HSPA12A: variants seen among roughly 807,000 people sequenced by gnomAD.
HSPA12A encodes the protein heat shock protein family A (Hsp70) member 12A.
HSPA12A carries 28 observed loss-of-function variants against 69.2 expected under a neutral mutation model. The observed-to-expected ratio is 0.40, with a 90% CI of 0.30 to 0.55. The LOEUF (loss-of-function observed/expected upper bound fraction) is 0.55. Among genes scored for constraint, HSPA12A ranks in the 20% least tolerant of loss-of-function variants. HSPA12A has a pLI of 0.38. For missense variants in HSPA12A, 686 were observed against 900.7 expected, an observed-to-expected ratio of 0.76 and a Z score of 3.05; for synonymous variants, 345 against 370.5, an observed-to-expected ratio of 0.93 and a Z score of 0.79.
chr10:116,705,290 C>G lies in HSPA12A; in HGVS notation c.127-12G>C. ...GAGTCAGTGTCGTTCTGCAGATATACAGTGAGGCATGGGGGGTGTGGAGGG... is the reference window on the plus strand; with the variant it reads ...GAGTCAGTGTCGTTCTGCAGATATAGAGTGAGGCATGGGGGGTGTGGAGGG... On this transcript the variant is annotated splice_polypyrimidine_tract_variant and intron_variant, in intron 2 of 11. Coordinates refer to ENST00000369209, the MANE Select transcript of HSPA12A (RefSeq NM_025015.3). The G allele has an allele frequency of 6.2e-7, 1 of 1,614,020 alleles. No individual in the cohort carries two copies. Among genetic ancestry groups the G allele is most frequent in the Non-Finnish European group, 8.5e-7 (1 of 1,179,966 alleles).
At chr10:116,800,302 T>G (rs1360329979) in intron 2 of HSPA12A, among the ~76,000 whole-genome samples, 1 of 152,158 alleles carries the variant, frequency 6.6e-6, no homozygotes, top group African/African-American at 2.4e-5. Context: ...TGAGAGCTGA[T>G]GACCCTCACC....
intron 2 of HSPA12A, among the ~76,000 whole-genome samples, chr10:116,706,591 A>G (rs1850259312): frequency 6.6e-6 from 1 of 151,996 alleles, no homozygotes; most frequent in Admixed American, 6.6e-5. Context: ...CCGGGCACTC[A>G]CTCAGGTTGG....
At chr10:116,799,836 G>C (rs1412329787) in intron 2 of HSPA12A, among the ~76,000 whole-genome samples, 1 of 152,204 alleles carries the variant, frequency 6.6e-6, no homozygotes, top group Non-Finnish European at 1.5e-5. Flanking sequence ...CATTCAGAAA[G>C]ATTTAGTGAG....
chr10:116,818,225 C>T (rs10787730), intron 2 of HSPA12A, among the ~76,000 whole-genome samples: 62,001 of 152,108 alleles, frequency 0.41, 13,501 homozygotes, highest in Middle Eastern at 0.52. Context: ...GGCATATGAG[C>T]TTGGTCACAA....
At chr10:116,730,751 G>A (rs529108029) in intron 1 of HSPA12A, among the ~76,000 whole-genome samples, 6 of 152,344 alleles carry the variant, frequency 3.9e-5, no homozygotes, top group Admixed American at 3.3e-4. Flanking sequence ...AGAGGCTGAC[G>A]CCAAAGGATG....
At chr10:116,682,669 A>G (rs1204970650) in intron 7 of HSPA12A, among the ~76,000 whole-genome samples, 1 of 152,140 alleles carries the variant, frequency 6.6e-6, no homozygotes, top group African/African-American at 2.4e-5. Flanking sequence ...GAAGGAAATC[A>G]GGTCAGGAAA....
chr10:116,695,220 C>A (rs1554880646), intron 5 of HSPA12A, among the ~76,000 whole-genome samples: 1 of 152,136 alleles, frequency 6.6e-6, no homozygotes, highest in Non-Finnish European at 1.5e-5. Flanking sequence ...TGCAGGCTCT[C>A]GGGATTACTG....
intron 1 of HSPA12A, among the ~76,000 whole-genome samples, chr10:116,842,030 A>T (rs1845809785): frequency 6.6e-6 from 1 of 152,250 alleles, no homozygotes; most frequent in African/African-American, 2.4e-5. Context: ...CCAGGCCTGT[A>T]GAAATCATCA....
chr10:116,807,244 A>T (rs1214878984), intron 2 of HSPA12A, among the ~76,000 whole-genome samples: 2 of 151,706 alleles, frequency 1.3e-5, no homozygotes, highest in Non-Finnish European at 2.9e-5. Flanking sequence ...CCAGACATGA[A>T]ATCTCTGGCT....
intron 2 of HSPA12A, chr10:116,831,214 T>A (rs1160069157): frequency 1.3e-5 from 2 of 152,172 alleles, no homozygotes; most frequent in African/African-American, 4.8e-5. Context: ...ACCACTATTG[T>A]TGTCATTGAC....
rs1489049245 is a variant in HSPA12A, at chr10:116,845,049, T to C, written c.3+4517A>G. Among the ~76,000 whole-genome samples, 6 of 152,206 alleles carry C rather than the reference T, an allele frequency of 3.9e-5. No homozygotes were observed. The East Asian group carries it at 1.2e-3, about 29-fold the overall frequency. ...GTTATAAAGTAGGAGAGATCCAAGA[T>C]GGAAAGACCCAGTTCAGGGGTTCTC... On this transcript the variant is annotated intron_variant, in intron 1 of 12. Transcript: ENST00000635765.
chr10:116,778,061 A>G, intron 2 of HSPA12A, among the ~76,000 whole-genome samples: 1 of 152,060 alleles, frequency 6.6e-6, no homozygotes, highest in East Asian at 1.9e-4. Context: ...GTGCTTAACA[A>G]CTGGCCCACA....
chr10:116,753,707 G>C (rs1564808776), intron 2 of HSPA12A, among the ~76,000 whole-genome samples: 1 of 152,208 alleles, frequency 6.6e-6, no homozygotes, highest in Non-Finnish European at 1.5e-5. Context: ...CCCCTGCAAA[G>C]AGTCTGAAAG....
At chr10:116,806,370 T>C (rs1845068309) in intron 2 of HSPA12A, among the ~76,000 whole-genome samples, 1 of 152,108 alleles carries the variant, frequency 6.6e-6, no homozygotes, top group Non-Finnish European at 1.5e-5. Context: ...CATGCCCAGC[T>C]AATTTTTGTA....
At chr10:116,772,309 A>G (rs1844229970) in intron 2 of HSPA12A, among the ~76,000 whole-genome samples, 1 of 151,772 alleles carries the variant, frequency 6.6e-6, no homozygotes, top group Non-Finnish European at 1.5e-5. Context: ...CCCAGGACAG[A>G]CCCCCAGAGC....
chr10:116,691,295 C>A (rs968334817), intron 6 of HSPA12A, among the ~76,000 whole-genome samples: 10 of 152,164 alleles, frequency 6.6e-5, no homozygotes, highest in African/African-American at 2.4e-4. Flanking sequence ...GGAGTCAAGC[C>A]TTCCGAGTGA....
intron 3 of HSPA12A, among the ~76,000 whole-genome samples, chr10:116,702,052 T>C (rs1300227248): frequency 6.6e-6 from 1 of 151,748 alleles, no homozygotes; most frequent in Non-Finnish European, 1.5e-5. Context: ...AGGATTGCAG[T>C]GAGCTATGAT....
At chr10:116,726,043 A>G (rs1434789844) in intron 1 of HSPA12A, among the ~76,000 whole-genome samples, 3 of 150,548 alleles carry the variant, frequency 2.0e-5, no homozygotes, top group African/African-American at 7.5e-5. Context: ...ACACACACAC[A>G]CACACACACA....
intron 5 of HSPA12A, among the ~76,000 whole-genome samples, chr10:116,693,748 A>T (rs1589634281): frequency 6.6e-6 from 1 of 152,190 alleles, no homozygotes; most frequent in African/African-American, 2.4e-5. Context: ...TTGATCAGCA[A>T]ATGATTTTTT....
Sources: gnomAD v4.1 joint callset for allele counts (sites outside exome capture counted in the v4.1 genomes callset) on GRCh38, gnomAD v4.1.1 for gene constraint, MANE v1.5 for transcripts, NCBI Gene and HGNC (gene_info 2026-07-23, HGNC 2026-07-21) for gene names.